Variants in HHLA2 observed in about 807,000 individuals in gnomAD.
HHLA2 encodes HERV-H LTR-associating protein 2.
In HHLA2, 48 loss-of-function variants were observed where a neutral mutation model predicts 45.9. The observed-to-expected ratio is 1.05, with a 90% CI of 0.83 to 1.33. The LOEUF (loss-of-function observed/expected upper bound fraction) is 1.33, where lower values mean the gene tolerates loss of function less well. Among genes scored for constraint, HHLA2 ranks in the 40% most tolerant of loss-of-function variants. The probability of loss-of-function intolerance (pLI) is 0.00; values close to 1 mark genes in which losing one functional copy is unlikely to be tolerated. For synonymous variants in HHLA2, 161 were observed against 173.9 expected (o/e 0.93, Z 0.59); for missense variants, 462 against 494.3 (o/e 0.93, Z 0.62).
At position 108,368,535 on chromosome 3, in the gene HHLA2, C is replaced by CA. The variant is rs55718572; in HGVS notation, c.1108+6124dup. On this transcript the variant is annotated intron_variant, in intron 8 of 10. Coordinates refer to ENST00000619531, the Ensembl canonical transcript of HHLA2. ...GAATATTTACCAAGCAAACGAAGAG[C>CA]AAAAAAAAAAAAAAAAAAAAAAAAA... 8.8e-3 allele frequency among the ~76,000 whole-genome samples: 58 copies of CA among 6,618 alleles called. 19 individuals are homozygous for CA. The highest frequency in any genetic ancestry group is 0.02 in the South Asian group (2 of 102). The allele number at this position is 6,618 out of a possible 152,430, so 4.3% of individuals were successfully genotyped here.
At chr3:108,323,704 A>G (rs553996434) in intron 2 of HHLA2, among the ~76,000 whole-genome samples, 2 of 152,148 alleles carry the variant, frequency 1.3e-5, no homozygotes, top group Non-Finnish European at 2.9e-5. Context: ...CTAAAGGACA[A>G]TTTCATGATT....
chr3:108,377,162 C>T, intron 10 of HHLA2, 96 bp from the exon 10 acceptor site: 1 of 784,046 alleles, frequency 1.3e-6, no homozygotes, highest in African/African-American at 1.8e-5. Flanking sequence ...TTTTTGCCGC[C>T]CACCCCAAAA....
intron 3 of HHLA2, among the ~76,000 whole-genome samples, chr3:108,350,627 A>T: frequency 6.6e-6 from 1 of 152,192 alleles, no homozygotes; most frequent in South Asian, 2.1e-4. Flanking sequence ...CACAACAAAT[A>T]TAGAATATAT....
chr3:108,302,343 C>T (rs1376194077), intron 1 of HHLA2: 1 of 152,108 alleles, frequency 6.6e-6, no homozygotes, highest in Non-Finnish European at 1.5e-5. Flanking sequence ...GTTCAACCTC[C>T]TACCCCTTAT....
At chr3:108,338,937 C>T (rs1355310635) in intron 3 of HHLA2, among the ~76,000 whole-genome samples, 1 of 152,206 alleles carries the variant, frequency 6.6e-6, no homozygotes, top group Non-Finnish European at 1.5e-5. Flanking sequence ...ATATTCAAAT[C>T]AATGTTTTCA....
rs777700361 is a variant in HHLA2, at chr3:108,362,327, C to T, written c.1004-15C>T. ...CTTCCAGTTCACAGACTTTGTTTCT[C>T]CTTTTTTTTTTTAGAACCGAGCCAA... On this transcript the variant is annotated splice_polypyrimidine_tract_variant and intron_variant, in intron 7 of 10. Transcript: ENST00000619531. 1.9e-6 allele frequency: 3 copies of T among 1,568,584 alleles called. No homozygotes were observed. The highest frequency in any genetic ancestry group is 1.4e-5 in the African/African-American group (1 of 73,504).
At chr3:108,335,810 T>C (rs1325128682) in intron 3 of HHLA2, among the ~76,000 whole-genome samples, 2 of 152,098 alleles carry the variant, frequency 1.3e-5, no homozygotes, top group Non-Finnish European at 2.9e-5. Context: ...ACAAAAGTAG[T>C]GATAGGGGCT....
intron 3 of HHLA2, among the ~76,000 whole-genome samples, chr3:108,333,658 T>C (rs983832172): frequency 6.2e-5 from 9 of 146,244 alleles, no homozygotes; most frequent in Admixed American, 1.4e-4. Flanking sequence ...CCTCAGAGGA[T>C]AGAGAGGAAA....
chr3:108,348,097 A>T (rs1249538608), intron 3 of HHLA2, among the ~76,000 whole-genome samples: 1 of 152,078 alleles, frequency 6.6e-6, no homozygotes, highest in Non-Finnish European at 1.5e-5. Flanking sequence ...TTATATTCAG[A>T]GTGTGAGATG....
Position 108,337,028 on chromosome 3 carries a change from G to A in HHLA2, c.-27+8681G>A, listed in dbSNP as rs1251967412. ...TGCCTTTTGGACCAGAGGTTGAAGC[G>A]GATTTGAGGGGAAATGGCATTTCCA... On this transcript the variant is annotated intron_variant, in intron 3 of 10. Transcript: ENST00000619531. Among the ~76,000 whole-genome samples, 7 of 152,140 alleles carry A rather than the reference G, an allele frequency of 4.6e-5. No individual in the cohort carries two copies. In the East Asian group the frequency reaches 5.8e-4, roughly 13 times the overall value.
At chr3:108,332,836 T>C (rs1053988858) in intron 3 of HHLA2, among the ~76,000 whole-genome samples, 2 of 152,162 alleles carry the variant, frequency 1.3e-5, no homozygotes, top group African/African-American at 4.8e-5. Flanking sequence ...ATGTAGCCCT[T>C]CCTTAGGTTG....
intron 7 of HHLA2, among the ~76,000 whole-genome samples, chr3:108,358,873 A>G (rs909798857): frequency 2.0e-5 from 3 of 152,224 alleles, no homozygotes; most frequent in African/African-American, 7.2e-5. Context: ...CTATCATTTC[A>G]ATTGTGAAAA....
chr3:108,313,960 T>G (rs1432003385), intron 2 of HHLA2, among the ~76,000 whole-genome samples: 2 of 152,206 alleles, frequency 1.3e-5, no homozygotes, highest in Non-Finnish European at 2.9e-5. Flanking sequence ...TAAGTCCTTC[T>G]TAATTTAAAA....
intron 3 of HHLA2, among the ~76,000 whole-genome samples, chr3:108,346,196 A>G (rs548766628): frequency 6.6e-6 from 1 of 152,342 alleles, no homozygotes; most frequent in East Asian, 1.9e-4. Context: ...AGGCAAAGAC[A>G]GCACCCCTAG....
At chr3:108,304,385 C>G (rs563190389) in intron 1 of HHLA2, among the ~76,000 whole-genome samples, 32 of 152,244 alleles carry the variant, frequency 2.1e-4, no homozygotes, top group South Asian at 1.0e-3. Flanking sequence ...AGGGGAGAAT[C>G]CTTCCTTGTT....
At chr3:108,309,921 GA>G (rs145169830) in intron 1 of HHLA2, among the ~76,000 whole-genome samples, 2,355 of 152,050 alleles carry the variant, frequency 0.015, 59 homozygotes, top group African/African-American at 0.054. Flanking sequence ...ATTTGGTATG[GA>G]AAAAAGTTAT....
intron 8 of HHLA2, among the ~76,000 whole-genome samples, chr3:108,364,164 C>T (rs1048429477): frequency 6.6e-6 from 1 of 152,102 alleles, no homozygotes; most frequent in Admixed American, 6.5e-5. Flanking sequence ...CTCCAACAGG[C>T]CCCAGTGTGT....
At chr3:108,369,680 C>T (rs1277841785) in intron 8 of HHLA2, among the ~76,000 whole-genome samples, 1 of 152,248 alleles carries the variant, frequency 6.6e-6, no homozygotes, top group Non-Finnish European at 1.5e-5. Flanking sequence ...GTGCATGACT[C>T]AGAGGGTCCT....
chr3:108,352,384 G>C (rs1232808125), intron 4 of HHLA2, among the ~76,000 whole-genome samples: 2 of 152,206 alleles, frequency 1.3e-5, no homozygotes, highest in Non-Finnish European at 2.9e-5. Flanking sequence ...CTGAGGAAGA[G>C]AGGCGGGACA....
Sources: allele counts gnomAD v4.1 joint callset (sites outside exome capture counted in the v4.1 genomes callset), GRCh38; gene constraint gnomAD v4.1.1; transcripts MANE v1.5; gene names NCBI Gene and HGNC (gene_info 2026-07-23, HGNC 2026-07-21).